Variants in RBPJ observed in about 807,000 individuals in gnomAD.
RBPJ encodes recombination signal binding protein for immunoglobulin kappa J region.
Under a neutral mutation model 67.8 loss-of-function variants are expected in RBPJ, and 9 were observed. The observed-to-expected ratio is 0.13, with a 90% CI of 0.08 to 0.23. The LOEUF (loss-of-function observed/expected upper bound fraction) is 0.23. RBPJ is among the 10% of genes least tolerant of loss of function. The pLI, the probability that RBPJ is intolerant of heterozygous loss-of-function variation, is 1.00. For synonymous variants in RBPJ, 198 were observed against 203.3 expected (o/e 0.97, Z 0.22); for missense variants, 305 against 595.6 (o/e 0.51, Z 5.08).
upstream of RBPJ, chr4:26,319,678 AAGG>A (rs1258398532): frequency 1.2e-5 from 8 of 656,746 alleles, no homozygotes; most frequent in East Asian, 1.7e-4. Flanking sequence ...AGGCGGTGGG[AAGG>A]AGGTGTAGCG....
At chr4:26,296,304 T>C in intron 1 of RBPJ, among the ~76,000 whole-genome samples, 1 of 152,148 alleles carries the variant, frequency 6.6e-6, no homozygotes, top group East Asian at 1.9e-4. Context: ...TCTTTTTTTC[T>C]TTTTTTAGCA....
the RBPJ span, among the ~76,000 whole-genome samples, chr4:26,139,422 GCTTCCC>G: frequency 6.6e-6 from 1 of 152,218 alleles, no homozygotes; most frequent in African/African-American, 2.4e-5. Flanking sequence ...GAAGCTCAAG[GCTTCCC>G]CTTTCTTTAA....
At chr4:26,127,484 G>A in the RBPJ span, among the ~76,000 whole-genome samples, 1 of 152,180 alleles carries the variant, frequency 6.6e-6, no homozygotes. Context: ...CAGAGCTGGA[G>A]GAAAATCTTT....
At chr4:26,250,862 C>G (rs1386760928) in intron 1 of RBPJ, among the ~76,000 whole-genome samples, 1 of 152,150 alleles carries the variant, frequency 6.6e-6, no homozygotes, top group Non-Finnish European at 1.5e-5. Flanking sequence ...ATAGAGCTAC[C>G]TCATTCTTTC....
At chr4:26,251,907 T>C (rs13107090) in intron 1 of RBPJ, among the ~76,000 whole-genome samples, 3,807 of 144,414 alleles carry the variant, frequency 0.026, 73 homozygotes, top group Non-Finnish European at 0.036. Context: ...TCAGCCGCAA[T>C]GGAAAAGTCA....
rs1735930475 is a variant in RBPJ, at chr4:26,428,767, T to C, written c.795T>C (p.Asp265=). Residue 265 remains aspartate (D), a synonymous_variant, in exon 8 of 11, where the codon GAT becomes GAC. Coordinates refer to ENST00000355476, the MANE Select transcript of RBPJ (RefSeq NM_015874.6). ...DKQTALLDAD[D]PVSQLHKCAF... ...AGACCGCATTATTGGATGCAGATGA[T>C]CCTGTGTCACAACTCCATAAATGTG... is the stretch of plus-strand genomic sequence containing the variant. 1.2e-6 allele frequency: 2 copies of C among 1,609,578 alleles called. No homozygotes were observed. The highest frequency in any genetic ancestry group is 1.7e-6 in the Non-Finnish European group (2 of 1,176,430).
At chr4:26,152,362 G>T in the RBPJ span, among the ~76,000 whole-genome samples, 1 of 152,212 alleles carries the variant, frequency 6.6e-6, no homozygotes, top group Non-Finnish European at 1.5e-5. Context: ...GAGAAGCCAA[G>T]CTTCAGTCAA....
In RBPJ at chr4:26,244,323, A is replaced by G. The variant is rs1464075904; in HGVS notation, c.-167+80709A>G. ...TGTGTACACATATGTGTGTATATGT[A>G]TACACATATGTGTACACATATGTGT... On this transcript the variant is annotated intron_variant, in intron 1 of 4. Coordinates refer to the RBPJ transcript ENST00000512351. Among the ~76,000 whole-genome samples the G allele has an allele frequency of 1.8e-3, 254 of 137,442 alleles. 2 individuals are homozygous for G. Among genetic ancestry groups the G allele is most frequent in the African/African-American group, 6.6e-3 (235 of 35,600 alleles). The allele number at this position is 137,442 out of a possible 152,430, so 90.2% of individuals were successfully genotyped here. A position where few individuals can be genotyped will look rare whatever the true frequency, so the allele number is the denominator to read the frequency against.
intron 1 of RBPJ, among the ~76,000 whole-genome samples, chr4:26,215,274 A>G (rs2109181689): frequency 1.2e-5 from 1 of 83,900 alleles, no homozygotes; most frequent in Non-Finnish European, 2.1e-5. Flanking sequence ...GGAGGGAGGA[A>G]AAAGAGAGAG....
At chr4:26,364,963 G>A (rs1458425707) in intron 1 of RBPJ, among the ~76,000 whole-genome samples, 3 of 151,380 alleles carry the variant, frequency 2.0e-5, no homozygotes, top group Non-Finnish European at 4.4e-5. Context: ...TAGATCCTGG[G>A]GTCACCTCAC....
chr4:26,138,099 C>T, the RBPJ span, among the ~76,000 whole-genome samples: 1 of 148,448 alleles, frequency 6.7e-6, no homozygotes, highest in African/African-American at 2.4e-5. Flanking sequence ...CCTGGAACTG[C>T]CAGGAGACCA....
chr4:26,224,338 TCC>T lies in RBPJ; in HGVS notation c.-167+60725_-167+60726del, dbSNP rs1156576384. Among the ~76,000 whole-genome samples the T allele has an allele frequency of 6.6e-5, 10 of 152,324 alleles. No homozygotes were observed. In the East Asian group the frequency reaches 1.7e-3, roughly 26 times the overall value. Reference sequence around the variant, plus strand: ...TCTGCCTCCCAGGTTCAAGCTATTCTCCTGCCTCAGCCTCCTGAGTAGCTGGA... The same window carrying T: ...TCTGCCTCCCAGGTTCAAGCTATTCTTGCCTCAGCCTCCTGAGTAGCTGGA... On this transcript the variant is annotated intron_variant, in intron 1 of 4. Coordinates refer to the RBPJ transcript ENST00000512351.
At chr4:26,284,009 A>G (rs1407226304) in intron 1 of RBPJ, among the ~76,000 whole-genome samples, 1 of 152,188 alleles carries the variant, frequency 6.6e-6, no homozygotes, top group African/African-American at 2.4e-5. Flanking sequence ...GGCAAATGCT[A>G]TTGGGTAGGT....
intron 1 of RBPJ, among the ~76,000 whole-genome samples, chr4:26,328,481 GT>G (rs1185527478): frequency 5.9e-5 from 9 of 152,180 alleles, no homozygotes; most frequent in Non-Finnish European, 1.2e-4. Flanking sequence ...TTTAGTGTTG[GT>G]GGGAACACAG....
At chr4:26,251,049 T>G (rs1273837740) in intron 1 of RBPJ, among the ~76,000 whole-genome samples, 1 of 152,182 alleles carries the variant, frequency 6.6e-6, no homozygotes, top group Non-Finnish European at 1.5e-5. Flanking sequence ...AATGTAAAAT[T>G]GTGTGCTTTC....
chr4:26,313,728 C>G (rs530912913), intron 1 of RBPJ, among the ~76,000 whole-genome samples: 1 of 151,294 alleles, frequency 6.6e-6, no homozygotes, highest in African/African-American at 2.4e-5. Context: ...CCCAGCTACT[C>G]GGGAGGTTGA....
rs200088475 is a variant in RBPJ at position 26,270,013 on chromosome 4, G to A, written c.-166-92433G>A. On this transcript the variant is annotated intron_variant, in intron 1 of 4. Coordinates refer to the RBPJ transcript ENST00000512351. ...TTGCTGGTATGGGGCCAGGCACGGC[G>A]GCTCAGACCTGTAATCTCAGCACTT... Among the ~76,000 whole-genome samples the A allele has an allele frequency of 2.2e-4, 34 of 152,006 alleles. No homozygotes were observed. The East Asian group carries it at 6.3e-3, about 28-fold the overall frequency.
At chr4:26,125,980 C>T in the RBPJ span, among the ~76,000 whole-genome samples, 51 of 152,210 alleles carry the variant, frequency 3.4e-4, no homozygotes, top group Non-Finnish European at 4.9e-4. Flanking sequence ...TGGTGTCTGT[C>T]ACACACAATG....
At chr4:26,288,705 G>A (rs893272865) in intron 1 of RBPJ, among the ~76,000 whole-genome samples, 1 of 152,186 alleles carries the variant, frequency 6.6e-6, no homozygotes, top group Non-Finnish European at 1.5e-5. Context: ...GCAAGACAGG[G>A]AAGTTATAAC....
Sources: allele counts gnomAD v4.1 joint callset (sites outside exome capture counted in the v4.1 genomes callset), GRCh38; gene constraint gnomAD v4.1.1; transcripts MANE v1.5; gene names NCBI Gene and HGNC (gene_info 2026-07-23, HGNC 2026-07-21).